Variants in CACNA2D3 observed in about 807,000 individuals in gnomAD.
CACNA2D3 encodes voltage-dependent calcium channel subunit alpha-2/delta-3.
CACNA2D3 carries 60 observed loss-of-function variants against 160.6 expected under a neutral mutation model. The ratio of observed to expected loss-of-function variants is 0.37; its 90% confidence interval spans 0.30 to 0.46. CACNA2D3 has a LOEUF of 0.46. Among genes scored for constraint, CACNA2D3 ranks in the 20% least tolerant of loss-of-function variants. CACNA2D3 has a pLI of 1.00. For synonymous variants in CACNA2D3, 558 were observed against 492.9 expected, an observed-to-expected ratio of 1.13 and a Z score of -1.75; for missense variants, 1,205 against 1,365.0, an observed-to-expected ratio of 0.88 and a Z score of 1.85.
At chr3:54,471,616 G>GT (rs775802306) in intron 4 of CACNA2D3, among the ~76,000 whole-genome samples, 6 of 151,992 alleles carry the variant, frequency 3.9e-5, no homozygotes, top group South Asian at 2.1e-4. Context: ...TCCAGGAGCT[G>GT]TTTTTTTAAA....
At chr3:54,858,298 C>T (rs138098347) in intron 17 of CACNA2D3, among the ~76,000 whole-genome samples, 31 of 152,158 alleles carry the variant, frequency 2.0e-4, no homozygotes, top group Non-Finnish European at 4.0e-4. Flanking sequence ...TGAGTGCTGG[C>T]TTCTAACTTG....
intron 31 of CACNA2D3, among the ~76,000 whole-genome samples, chr3:54,994,124 A>G (rs1702804584): frequency 1.3e-5 from 2 of 152,016 alleles, no homozygotes. Flanking sequence ...TCTGCTATTT[A>G]AATCACCTTT....
intron 29 of CACNA2D3, 59 bp from the exon 30 acceptor site, chr3:54,984,549 G>A (rs1318608046): frequency 1.1e-6 from 1 of 947,042 alleles, no homozygotes; most frequent in Non-Finnish European, 1.6e-6. Context: ...TTTAAAAGCA[G>A]TGTGATGGCC....
At chr3:54,836,424 C>T (rs531486428) in intron 14 of CACNA2D3, among the ~76,000 whole-genome samples, 4 of 151,660 alleles carry the variant, frequency 2.6e-5, no homozygotes, top group South Asian at 2.1e-4. Flanking sequence ...TTAGTAGAGA[C>T]GGGGTTTCAC....
At chr3:54,345,155 A>G (rs1698433694) in intron 3 of CACNA2D3, among the ~76,000 whole-genome samples, 1 of 152,238 alleles carries the variant, frequency 6.6e-6, no homozygotes, top group Non-Finnish European at 1.5e-5. Flanking sequence ...TGGAGTAGCC[A>G]TTCTTTTATT....
intron 13 of CACNA2D3, chr3:54,789,888 G>A (rs1026300301): frequency 7.7e-6 from 4 of 516,850 alleles, no homozygotes; most frequent in African/African-American, 7.7e-5. Context: ...AGGTGACACA[G>A]GCTGTTTCAG....
chr3:54,670,371 C>T (rs540339475), intron 11 of CACNA2D3, among the ~76,000 whole-genome samples: 1 of 152,288 alleles, frequency 6.6e-6, no homozygotes, highest in African/African-American at 2.4e-5. Flanking sequence ...CTCATTACAG[C>T]CCATACAGCA....
chr3:54,553,550 G>C (rs571131961), intron 5 of CACNA2D3, among the ~76,000 whole-genome samples: 23 of 152,320 alleles, frequency 1.5e-4, no homozygotes, highest in Middle Eastern at 3.4e-3. Flanking sequence ...TAAAAATCCT[G>C]TTGATTCTGA....
intron 35 of CACNA2D3, among the ~76,000 whole-genome samples, chr3:55,053,486 A>G (rs9836023): frequency 0.19 from 28,132 of 151,860 alleles, 2,808 homozygotes; most frequent in African/African-American, 0.21. Flanking sequence ...ATGATTCATG[A>G]TTTTCAGTAG....
intron 3 of CACNA2D3, among the ~76,000 whole-genome samples, chr3:54,385,742 C>G (rs1202719305): frequency 1.3e-5 from 2 of 152,100 alleles, no homozygotes; most frequent in East Asian, 3.8e-4. Flanking sequence ...AATATTAATG[C>G]CATCATTTTT....
intron 20 of CACNA2D3, among the ~76,000 whole-genome samples, chr3:54,880,284 A>T (rs1008527178): frequency 6.6e-6 from 1 of 152,216 alleles, no homozygotes; most frequent in African/African-American, 2.4e-5. Flanking sequence ...CAAGCCAGTG[A>T]GTGTGAAAAA....
intron 6 of CACNA2D3, among the ~76,000 whole-genome samples, chr3:54,565,716 G>A (rs1372375356): frequency 1.3e-5 from 2 of 152,166 alleles, no homozygotes; most frequent in African/African-American, 4.8e-5. Flanking sequence ...ATAACATAAT[G>A]CTGTAGGAAG....
At chr3:54,333,682 A>G (rs748918703) in intron 3 of CACNA2D3, among the ~76,000 whole-genome samples, 1 of 151,682 alleles carries the variant, frequency 6.6e-6, no homozygotes, top group African/African-American at 2.4e-5. Flanking sequence ...GCTGGGAGAA[A>G]GCCCGAGAAG....
intron 34 of CACNA2D3, among the ~76,000 whole-genome samples, chr3:55,011,211 G>T (rs1703204684): frequency 6.6e-6 from 1 of 152,228 alleles, no homozygotes; most frequent in Admixed American, 6.5e-5. Flanking sequence ...GCTTGGCTCT[G>T]CCCTGGGAGG....
At position 54,210,442 on chromosome 3, in the gene CACNA2D3, T is replaced by TTG. The variant is rs112519809; in HGVS notation, c.204+86866_204+86867dup. 1.7e-3 allele frequency among the ~76,000 whole-genome samples: 259 copies of TTG among 148,184 alleles called. 2 individuals carry two copies. Among genetic ancestry groups the TTG allele is most frequent in the South Asian group, 0.012 (54 of 4,660 alleles). On this transcript the variant is annotated intron_variant, in intron 2 of 37. Coordinates refer to ENST00000474759, the MANE Select transcript of CACNA2D3 (RefSeq NM_018398.3). The stretch of plus-strand genomic sequence containing the variant: ...AAAGTTTTTGTGTGTGTGTGTGTGT[T>TTG]TGTGTGTGTGTGTGTGTGTTTAAGA...
chr3:54,760,040 G>T (rs1281664833), intron 12 of CACNA2D3, among the ~76,000 whole-genome samples: 1 of 152,222 alleles, frequency 6.6e-6, no homozygotes, highest in Non-Finnish European at 1.5e-5. Flanking sequence ...AATGGCTCCT[G>T]CATACCTTCC....
chr3:54,833,532 TG>T (rs952718905), intron 14 of CACNA2D3, among the ~76,000 whole-genome samples: 1 of 151,594 alleles, frequency 6.6e-6, no homozygotes, highest in African/African-American at 2.4e-5. Flanking sequence ...AGCAACGTGT[TG>T]GGGGACAGAG....
At chr3:54,931,527 G>T (rs1370285202) in intron 27 of CACNA2D3, among the ~76,000 whole-genome samples, 1 of 152,180 alleles carries the variant, frequency 6.6e-6, no homozygotes, top group Admixed American at 6.5e-5. Flanking sequence ...AGGAACCAAG[G>T]AGAGATGCTG....
chr3:54,871,671 C>T, intron 18 of CACNA2D3, 49 bp downstream of exon 18: 2 of 1,407,678 alleles, frequency 1.4e-6, no homozygotes, highest in East Asian at 2.3e-5. Context: ...GCATTGTACC[C>T]ACTTCTGTAC....
Sources: gnomAD v4.1 joint callset for allele counts (sites outside exome capture counted in the v4.1 genomes callset) on GRCh38, gnomAD v4.1.1 for gene constraint, MANE v1.5 for transcripts, NCBI Gene and HGNC (gene_info 2026-07-23, HGNC 2026-07-21) for gene names.